The following EPS8L2 variants were observed in gnomAD, a reference collection of about 807,000 sequenced individuals.
EPS8L2 encodes EPS8 signaling adaptor L2.
In EPS8L2, 81 loss-of-function variants were observed where a neutral mutation model predicts 99.4. That is an observed-to-expected ratio of 0.82 (90% confidence interval 0.68 to 0.98). The LOEUF is 0.98. Among genes scored for constraint, EPS8L2 ranks in the 50% least tolerant of loss-of-function variants. The pLI is 0.00. For synonymous variants in EPS8L2, 509 were observed against 407.3 expected (o/e 1.25, Z -3.01); for missense variants, 1,155 against 968.8 (o/e 1.19, Z -2.55).
chr11:725,685 G>C (rs1862293466), intron 16 of EPS8L2, 43 bp from the exon 17 acceptor site: 1 of 1,292,920 alleles, frequency 7.7e-7, no homozygotes, highest in Admixed American at 4.1e-5. Context: ...TCCCAGCCCC[G>C]CAGAGCCTGG....
rs746494874 is a variant in EPS8L2 at position 710,425 on chromosome 11, A to C, written c.104A>C (p.Gln35Pro). 6.2e-7 allele frequency: 1 copy of C among 1,613,560 alleles called. No individual in the cohort carries two copies. Among genetic ancestry groups the C allele is most frequent in the Non-Finnish European group, 8.5e-7 (1 of 1,179,906 alleles). The part of the protein sequence containing the change: ...AKMSPKDLFE[Q>P]RKKYSNSNVI... ...TGACTGGTGTCTCCCGGTTCAGAGC[A>C]GAGGAAGAAGTATTCCAACTCCAAC... Residue 35 changes from glutamine (Q) to proline (P), a missense_variant, in exon 4 of 21, where the codon CAG (glutamine) becomes CCG (proline). Transcript: ENST00000318562.
At chr11:714,981 G>A (rs1046289930) in intron 4 of EPS8L2, among the ~76,000 whole-genome samples, 9 of 152,212 alleles carry the variant, frequency 5.9e-5, no homozygotes, top group East Asian at 1.9e-4. Flanking sequence ...GGTGGCTCAT[G>A]CCTGTAATCC....
intron 4 of EPS8L2, among the ~76,000 whole-genome samples, chr11:710,964 C>T (rs1458216532): frequency 6.6e-6 from 1 of 152,126 alleles, no homozygotes; most frequent in East Asian, 1.9e-4. Context: ...CAGGGTGTGC[C>T]GGGAAAACAC....
chr11:723,029 C>A (rs1477409880), intron 14 of EPS8L2, among the ~76,000 whole-genome samples: 1 of 107,938 alleles, frequency 9.3e-6, no homozygotes, highest in African/African-American at 4.1e-5. Context: ...CTCCCCAGCC[C>A]ACCTCCACCC....
intron 2 of EPS8L2, 35 bp from the exon 3 acceptor site, chr11:709,518 A>G: frequency 7.0e-7 from 1 of 1,431,344 alleles, no homozygotes; most frequent in Non-Finnish European, 9.4e-7. Flanking sequence ...GGAGGGGTGC[A>G]GTTTGGCCCT....
chr11:726,471 G>A lies in EPS8L2; in HGVS notation c.1921G>A (p.Ala641Thr). The change falls in exon 19 of 21, where the codon GCC becomes ACC. Residue 641 changes from alanine to threonine, a missense_variant. Physicochemically the swap from Ala to Thr is moderately conservative, Grantham distance 58. Coordinates refer to ENST00000318562, the MANE Select transcript of EPS8L2 (RefSeq NM_022772.4). ...DEVRAWLEAKAFSPRIVENLG... is the reference protein window; with the variant it reads ...DEVRAWLEAKTFSPRIVENLG... ...GGTCCGCGCCTGGCTGGAAGCCAAG[G>A]CCTTCAGCCCGCGGTGAGCGGGGGC... The A allele has an allele frequency of 6.4e-7, 1 of 1,559,768 alleles. No individual in the cohort carries two copies. The highest frequency in any genetic ancestry group is 1.9e-5 in the Admixed American group (1 of 51,630).
Position 720,234 on chromosome 11 carries a change from G to A in EPS8L2, c.327+11G>A. Reference sequence around the variant, plus strand: ...GACATCGAGTCACAGGTGGGGCCCAGCGCCACGGGGGACAGGGAGCACAGT... The same window carrying A: ...GACATCGAGTCACAGGTGGGGCCCAACGCCACGGGGGACAGGGAGCACAGT... On this transcript the variant is annotated intron_variant, in intron 5 of 20. Coordinates refer to ENST00000318562, the MANE Select transcript of EPS8L2 (RefSeq NM_022772.4). The A allele has an allele frequency of 6.2e-7, 1 of 1,612,552 alleles. No homozygotes were observed. The highest frequency in any genetic ancestry group is 8.5e-7 in the Non-Finnish European group (1 of 1,179,690).
Position 723,304 on chromosome 11 carries a change from AC to A in EPS8L2, c.1412del (p.Pro471ArgfsTer49). The A allele has an allele frequency of 2.0e-5, 32 of 1,592,594 alleles. No homozygotes were observed. Among genetic ancestry groups the A allele is most frequent in the East Asian group, 9.3e-5 (4 of 42,842 alleles). On this transcript the variant is annotated frameshift_variant, in exon 15 of 21. Coordinates refer to ENST00000318562, the MANE Select transcript of EPS8L2 (RefSeq NM_022772.4). LOFTEE classifies it high-confidence loss of function. The stretch of plus-strand genomic sequence containing the variant: ...GAAGCACAGCCCCACTTCAGAGCCC[AC>A]CCCCCCGGGGGATGCCCTACCACCA... ...SQKHSPTSEPTPPGDALPPVS... is the reference protein window; with the variant it reads ...SQKHSPTSEPXPPGDALPPVS...
intron 5 of EPS8L2, 64 bp from the exon 6 acceptor site, chr11:720,533 G>A (rs760373853): frequency 7.1e-6 from 11 of 1,554,210 alleles, no homozygotes; most frequent in African/African-American, 2.7e-5. Context: ...CCACAGCTCC[G>A]GCCACTCCCT....
rs1446703659 is a variant in EPS8L2, at chr11:721,724, AGGGGACGGGGCCAGCAG to A, written c.895+35_895+51del. Reference sequence around the variant, plus strand: ...GGACAGGGACGGGGCCGGCAGGTGCAGGGGACGGGGCCAGCAGGTGCAGGGGACAGGGACGGGGACGG... The same window carrying A: ...GGACAGGGACGGGGCCGGCAGGTGCAGTGCAGGGGACAGGGACGGGGACGG... On this transcript the variant is annotated intron_variant, in intron 10 of 20. Coordinates refer to ENST00000318562, the MANE Select transcript of EPS8L2 (RefSeq NM_022772.4). The A allele has an allele frequency of 2.4e-6, 3 of 1,273,042 alleles. No homozygotes were observed. In the African/African-American group the frequency reaches 7.8e-5, roughly 33 times the overall value. The allele number at this position is 1,273,042 out of a possible 1,614,324, so 78.9% of individuals were successfully genotyped here. A position where few individuals can be genotyped will look rare whatever the true frequency, so the allele number is the denominator to read the frequency against.
Position 720,190 on chromosome 11 carries a change from C to A in EPS8L2, c.294C>A (p.Asp98Glu). 1 of 1,613,352 alleles carries A rather than the reference C, an allele frequency of 6.2e-7. No homozygotes were observed. The highest frequency in any genetic ancestry group is 8.5e-7 in the Non-Finnish European group (1 of 1,179,972). Residue 98 changes from aspartate to glutamate, a missense_variant, in exon 5 of 21, where the codon GAC (aspartate) becomes GAA (glutamate). Transcript: ENST00000318562. The stretch of plus-strand genomic sequence containing the variant: ...AGGAGATGCTGCTGCAGGTGAACGA[C>A]CAGTCGCTGCGGCTGCTGGACATCG... The part of the protein sequence containing the change: ...WTQEMLLQVN[D>E]QSLRLLDIES...
intron 20 of EPS8L2, 60 bp downstream of exon 20, chr11:726,811 G>A (rs1001011538): frequency 1.3e-6 from 2 of 1,579,778 alleles, no homozygotes; most frequent in Non-Finnish European, 1.7e-6. Flanking sequence ...CCTCTCCCCC[G>A]CCCGTTCCTG....
chr11:724,213 C>T lies in EPS8L2; in HGVS notation c.1455-511C>T, dbSNP rs756676281. Among the ~76,000 whole-genome samples, 5 of 152,180 alleles carry T rather than the reference C, an allele frequency of 3.3e-5. No homozygotes were observed. Among genetic ancestry groups the T allele is most frequent in the Non-Finnish European group, 5.9e-5 (4 of 68,024 alleles). On this transcript the variant is annotated intron_variant, in intron 15 of 20. Coordinates refer to ENST00000318562, the MANE Select transcript of EPS8L2 (RefSeq NM_022772.4). This position sits in a 1 kb window ranked among gnomAD's most constrained non-coding sequence, Gnocchi z 5.5. ...GGCCTGCTACATGCCAAAGCCAGGA[C>T]CCCTCAGCCAGGGCCAGCCCCCCCG...
chr11:725,881 C>G (rs2133540320), intron 17 of EPS8L2, 34 bp downstream of exon 17: 1 of 1,367,386 alleles, frequency 7.3e-7, no homozygotes, highest in South Asian at 1.8e-5. Flanking sequence ...GTCGCAGCCC[C>G]CAGCTTCCTG....
Position 723,306 on chromosome 11 carries a change from C to A in EPS8L2, c.1407C>A (p.Thr469=), listed in dbSNP as rs767971584. 2.5e-6 allele frequency: 4 copies of A among 1,601,426 alleles called. No homozygotes were observed. The South Asian group carries it at 3.4e-5, about 13-fold the overall frequency. The change falls in exon 15 of 21, where the codon ACC becomes ACA. Residue 469 remains threonine (T), a synonymous_variant. Transcript: ENST00000318562. ...SQKHSPTSEP[T]PPGDALPPVS... ...AGCACAGCCCCACTTCAGAGCCCAC[C>A]CCCCCGGGGGATGCCCTACCACCAG...
chr11:718,915 G>C (rs1287896686), intron 4 of EPS8L2, among the ~76,000 whole-genome samples: 2 of 149,360 alleles, frequency 1.3e-5, no homozygotes, highest in East Asian at 2.0e-4. Flanking sequence ...TGATCCACCC[G>C]CCTCGGCCTC....
At chr11:711,712 G>A (rs573991697) in intron 4 of EPS8L2, among the ~76,000 whole-genome samples, 38 of 152,150 alleles carry the variant, frequency 2.5e-4, no homozygotes, top group South Asian at 2.1e-3. Context: ...GGCCAGGCGC[G>A]GTGGCTCACG....
intron 4 of EPS8L2, among the ~76,000 whole-genome samples, chr11:714,835 C>G (rs1013800060): frequency 6.6e-6 from 1 of 151,850 alleles, no homozygotes; most frequent in Admixed American, 6.6e-5. Flanking sequence ...TGTTGATGTC[C>G]ATTAGAGGTA....
At position 726,444 on chromosome 11, in the gene EPS8L2, G is replaced by A. The variant is rs1380250447; in HGVS notation, c.1894G>A (p.Glu632Lys). The change falls in exon 19 of 21, where the codon GAG becomes AAG. Residue 632 changes from glutamate (E) to lysine (K), a missense_variant. Physicochemically the swap from Glu to Lys is moderately conservative, Grantham distance 56. Coordinates refer to ENST00000318562, the MANE Select transcript of EPS8L2 (RefSeq NM_022772.4). ...QPLTYESGPD[E>K]VRAWLEAKAF... ...GCTCACCTACGAGTCGGGTCCGGAC[G>A]AGGTCCGCGCCTGGCTGGAAGCCAA... is the stretch of plus-strand genomic sequence containing the variant. The A allele has an allele frequency of 1.9e-6, 3 of 1,589,314 alleles. No individual in the cohort carries two copies. The highest frequency in any genetic ancestry group is 1.8e-5 in the Admixed American group (1 of 55,448).
Sources: gnomAD v4.1 joint callset for allele counts (sites outside exome capture counted in the v4.1 genomes callset) on GRCh38, gnomAD v4.1.1 for gene constraint, Gnocchi (gnomAD v3.1) non-coding constraint, MANE v1.5 for transcripts, NCBI Gene and HGNC (gene_info 2026-07-23, HGNC 2026-07-21) for gene names.